CNTN1: variants seen among roughly 807,000 people sequenced by gnomAD.
The protein encoded by CNTN1 is contactin 1.
CNTN1 carries 38 observed loss-of-function variants against 126.4 expected under a neutral mutation model. The ratio of observed to expected loss-of-function variants is 0.30; its 90% CI spans 0.23 to 0.39. The LOEUF is 0.39. Ranked by LOEUF, CNTN1 falls within the 10% of genes least tolerant of loss-of-function variation. The pLI, the probability that CNTN1 is intolerant of heterozygous loss-of-function variation, is 1.00. For missense variants in CNTN1, 1,009 were observed against 1,248.4 expected (o/e 0.81, Z 2.89); for synonymous variants, 413 against 422.6 (o/e 0.98, Z 0.28).
intron 1 of CNTN1, among the ~76,000 whole-genome samples, chr12:40,733,682 C>T (rs1807050029): frequency 3.3e-5 from 5 of 151,892 alleles, no homozygotes; most frequent in African/African-American, 9.7e-5. Flanking sequence ...GTATATAATA[C>T]ATTCTAAATA....
At chr12:40,739,221 G>A (rs1596540) in intron 1 of CNTN1, among the ~76,000 whole-genome samples, 150,021 of 152,132 alleles carry the variant, frequency 0.99, 73,992 homozygotes, top group Middle Eastern at 1. Flanking sequence ...CTTGTTTGTA[G>A]TAATGAAAAA....
chr12:41,053,734 G>T (rs1223160029), intron 23 of CNTN1, among the ~76,000 whole-genome samples: 1 of 150,948 alleles, frequency 6.6e-6, no homozygotes, highest in Admixed American at 6.6e-5. Context: ...ATAATATAAT[G>T]CTAGCTCATA....
chr12:40,941,448 T>C (rs1355575955), intron 12 of CNTN1, among the ~76,000 whole-genome samples: 2 of 152,108 alleles, frequency 1.3e-5, no homozygotes, highest in East Asian at 1.9e-4. Context: ...ATAAACAACA[T>C]TTCCACGTAA....
At chr12:41,048,981 G>T (rs1949611450) in intron 23 of CNTN1, among the ~76,000 whole-genome samples, 1 of 152,102 alleles carries the variant, frequency 6.6e-6, no homozygotes, top group Non-Finnish European at 1.5e-5. Flanking sequence ...CTCTTGTCGA[G>T]GTTGCTAATG....
chr12:41,023,797 G>A lies in CNTN1; in HGVS notation c.2524-1353G>A, dbSNP rs139160867. On this transcript the variant is annotated intron_variant, in intron 20 of 23. Transcript: ENST00000551295. The stretch of plus-strand genomic sequence containing the variant: ...TTTTCTTATTTTGGAGAAGACATCC[G>A]TTTTGGTCTGAATCTCTTTGAAACA... Among the ~76,000 whole-genome samples, 25 of 152,260 alleles carry A rather than the reference G, an allele frequency of 1.6e-4. 1 individual carries two copies. Among genetic ancestry groups the A allele is most frequent in the African/African-American group, 5.8e-4 (24 of 41,562 alleles).
chr12:40,871,148 T>C (rs1377844600), intron 1 of CNTN1, among the ~76,000 whole-genome samples: 1 of 139,880 alleles, frequency 7.1e-6, no homozygotes, highest in Non-Finnish European at 1.5e-5. Context: ...ATGTAACTAG[T>C]GAGAAATCCC....
intron 1 of CNTN1, among the ~76,000 whole-genome samples, chr12:40,842,273 T>G (rs1410544030): frequency 6.6e-6 from 1 of 152,120 alleles, no homozygotes; most frequent in Non-Finnish European, 1.5e-5. Context: ...TTGTTATTGG[T>G]TCCTCTAAAA....
intron 23 of CNTN1, among the ~76,000 whole-genome samples, chr12:41,046,445 C>T (rs1592456402): frequency 6.6e-6 from 1 of 151,996 alleles, no homozygotes; most frequent in East Asian, 1.9e-4. Flanking sequence ...CTTAAATCTG[C>T]TCCTAGATCC....
rs182059566 is a variant in CNTN1 at position 40,742,833 on chromosome 12, G to C, written c.-77+50241G>C. On this transcript the variant is annotated intron_variant, in intron 1 of 23. Transcript: ENST00000551295. ...ATTAATCAAATATGCCAGGCACTGA[G>C]TGAAGCATTAGCATATGGTGGATGA... 6.6e-5 allele frequency among the ~76,000 whole-genome samples: 10 copies of C among 152,198 alleles called. No homozygotes were observed. In the East Asian group the frequency reaches 1.7e-3, roughly 26 times the overall value.
intron 21 of CNTN1, among the ~76,000 whole-genome samples, chr12:41,027,602 TG>T (rs1177866962): frequency 6.6e-6 from 1 of 151,988 alleles, no homozygotes; most frequent in East Asian, 1.9e-4. Context: ...AAAAGACTAG[TG>T]GAGAAAGAAA....
chr12:40,936,999 A>G, intron 10 of CNTN1, 94 bp downstream of exon 10: 1 of 1,497,504 alleles, frequency 6.7e-7, no homozygotes, highest in Non-Finnish European at 9.3e-7. Context: ...GAGACAATAC[A>G]GAAAGGGCAC....
At chr12:41,000,972 T>C (rs1257548243) in intron 17 of CNTN1, among the ~76,000 whole-genome samples, 1 of 152,206 alleles carries the variant, frequency 6.6e-6, no homozygotes, top group East Asian at 1.9e-4. Context: ...CTTGTTCTTT[T>C]TTATGGCTGC....
At chr12:40,726,341 C>T (rs1442077633) in intron 1 of CNTN1, among the ~76,000 whole-genome samples, 1 of 152,162 alleles carries the variant, frequency 6.6e-6, no homozygotes, top group Non-Finnish European at 1.5e-5. Context: ...GTACCACACA[C>T]TGGGTAATTT....
chr12:41,059,327 T>C (rs189674618), intron 23 of CNTN1, among the ~76,000 whole-genome samples: 1 of 152,252 alleles, frequency 6.6e-6, no homozygotes, highest in East Asian at 1.9e-4. Context: ...CCTGAGAAAG[T>C]TTCCAGGGTA....
intron 11 of CNTN1, 86 bp downstream of exon 11, chr12:40,937,773 C>A: frequency 1.2e-6 from 1 of 830,164 alleles, no homozygotes. Flanking sequence ...ACACAAAATA[C>A]CCAGTATTGT....
intron 1 of CNTN1, among the ~76,000 whole-genome samples, chr12:40,703,287 T>C (rs1176773109): frequency 1.3e-5 from 2 of 152,152 alleles, no homozygotes; most frequent in African/African-American, 4.8e-5. Flanking sequence ...TAGACTAAAT[T>C]TTGCTATTTT....
At chr12:40,800,777 G>A (rs1174730381) in intron 1 of CNTN1, among the ~76,000 whole-genome samples, 1 of 152,114 alleles carries the variant, frequency 6.6e-6, no homozygotes, top group African/African-American at 2.4e-5. Context: ...AAAGAGCTGA[G>A]GAGAATCTCC....
chr12:40,906,318 T>C (rs1293344390), intron 1 of CNTN1, among the ~76,000 whole-genome samples: 2 of 152,194 alleles, frequency 1.3e-5, no homozygotes, highest in Non-Finnish European at 2.9e-5. Flanking sequence ...TTAAACTGTT[T>C]ATTTTCCTCT....
chr12:40,904,070 G>A (rs1382611172), intron 1 of CNTN1, among the ~76,000 whole-genome samples: 1 of 152,150 alleles, frequency 6.6e-6, no homozygotes, highest in African/African-American at 2.4e-5. Flanking sequence ...CTAGGCTGGA[G>A]TGCAGTGGCG....
Sources: allele counts gnomAD v4.1 joint callset (sites outside exome capture counted in the v4.1 genomes callset), GRCh38; gene constraint gnomAD v4.1.1; transcripts MANE v1.5; gene names NCBI Gene and HGNC (gene_info 2026-07-23, HGNC 2026-07-21).